The following PPP1R1A variants were observed in gnomAD, a reference collection of about 807,000 sequenced individuals.
PPP1R1A encodes the protein protein phosphatase 1 regulatory inhibitor subunit 1A.
In PPP1R1A, 18 loss-of-function variants were observed where a neutral mutation model predicts 23.9. The ratio of observed to expected loss-of-function variants is 0.75; its 90% CI spans 0.52 to 1.12. The LOEUF (loss-of-function observed/expected upper bound fraction) is 1.12, where lower values mean the gene tolerates loss of function less well. Among genes scored for constraint, PPP1R1A ranks in the 50% most tolerant of loss-of-function variants. The probability of loss-of-function intolerance (pLI) is 0.00; values close to 1 mark genes in which losing one functional copy is unlikely to be tolerated. For synonymous variants in PPP1R1A, 84 were observed against 80.7 expected (o/e 1.04, Z -0.22); for missense variants, 207 against 223.8 (o/e 0.92, Z 0.48).
chr12:54,585,841 C>T (rs1565712991), intron 1 of PPP1R1A, among the ~76,000 whole-genome samples: 1 of 152,066 alleles, frequency 6.6e-6, no homozygotes, highest in East Asian at 1.9e-4. Flanking sequence ...GGTAGGGCAT[C>T]ATTTTCCCAG....
intron 4 of PPP1R1A, 147 bp downstream of exon 4, chr12:54,582,585 C>T: frequency 3.2e-6 from 3 of 949,424 alleles, no homozygotes; most frequent in Admixed American, 4.8e-5. Flanking sequence ...TAGTCAGTGG[C>T]AAAACTGGGA....
At chr12:54,582,989 C>G (rs1533235) in intron 3 of PPP1R1A, among the ~76,000 whole-genome samples, 194 bp from the exon 4 acceptor site, 43,403 of 151,966 alleles carry the variant, frequency 0.29, 6,940 homozygotes, top group East Asian at 0.67. Flanking sequence ...CCCCAACCAC[C>G]TCGACAATGG....
intron 6 of PPP1R1A, 107 bp from the exon 7 acceptor site, chr12:54,580,499 G>C: frequency 8.6e-7 from 1 of 1,156,486 alleles, no homozygotes; most frequent in Non-Finnish European, 1.3e-6. Context: ...GTCTCAGAAA[G>C]CTTGTTCTGA....
In PPP1R1A at chr12:54,588,604, G is replaced by A. The variant is rs1400142049; in HGVS notation, c.-116C>T. ...GCTCCGGCCCCGGCCCCAGCCCGGCGCGCTCGGCTCCCGGCTCCCGGCACA... is the reference window on the plus strand; with the variant it reads ...GCTCCGGCCCCGGCCCCAGCCCGGCACGCTCGGCTCCCGGCTCCCGGCACA... On this transcript the variant is annotated 5_prime_UTR_variant, in exon 1 of 7. Transcript: ENST00000257905. 7.1e-5 allele frequency: 33 copies of A among 466,510 alleles called. No homozygotes were observed. Among genetic ancestry groups the A allele is most frequent in the Non-Finnish European group, 9.1e-5 (29 of 318,196 alleles). 28.9% of individuals were successfully genotyped at this position (466,510 alleles called of 1,614,324 possible).
At chr12:54,582,693 G>C in intron 4 of PPP1R1A, 39 bp downstream of exon 4, 2 of 1,596,952 alleles carry the variant, frequency 1.3e-6, no homozygotes, top group Non-Finnish European at 1.7e-6. Context: ...TCAGCTTCAG[G>C]CACAGAGGAG....
At chr12:54,583,125 G>A (rs932640510) in intron 3 of PPP1R1A, 86 bp downstream of exon 3, 17 of 1,402,996 alleles carry the variant, frequency 1.2e-5, no homozygotes, top group Non-Finnish European at 1.5e-5. Flanking sequence ...AAAGATCCTA[G>A]AGATGGGCGG....
chr12:54,584,526 G>C (rs756244028), intron 1 of PPP1R1A, among the ~76,000 whole-genome samples: 3 of 152,130 alleles, frequency 2.0e-5, no homozygotes, highest in Non-Finnish European at 4.4e-5. Context: ...TTATAAGTGG[G>C]AGCTAAACAT....
chr12:54,580,284 T>A lies in PPP1R1A; in HGVS notation c.*103A>T. 1 of 1,559,818 alleles carries A rather than the reference T, an allele frequency of 6.4e-7. No homozygotes were observed. The highest frequency in any genetic ancestry group is 8.7e-7 in the Non-Finnish European group (1 of 1,152,528). On this transcript the variant is annotated 3_prime_UTR_variant, in exon 7 of 7. Coordinates refer to ENST00000257905, the MANE Select transcript of PPP1R1A (RefSeq NM_006741.4). ...GACCTAACACCAAATTTATCACTTT[T>A]TAAAAACAAGAGATTTTCCCCAAAA...
rs1389539530 is a variant in PPP1R1A, at chr12:54,581,448, A to G, written c.404-398T>C. Among the ~76,000 whole-genome samples, 1 of 152,220 alleles carries G rather than the reference A, an allele frequency of 6.6e-6. No individual in the cohort carries two copies. The highest frequency in any genetic ancestry group is 2.1e-4 in the South Asian group (1 of 4,834). On this transcript the variant is annotated intron_variant, in intron 5 of 6. Transcript: ENST00000257905. The surrounding 1 kb of genome is among the most constrained non-coding windows in gnomAD (Gnocchi z 4.1). ...CTATGCGATACACAGTTTATGTACT[A>G]TATCTTCATAAAATTGGAAGCATTC...
At chr12:54,588,256 A>ACCCCCCCCCCCCCCCCCCC (rs142801029) in intron 1 of PPP1R1A, 149 bp downstream of exon 1, 4 of 181,492 alleles carry the variant, frequency 2.2e-5, no homozygotes, top group Non-Finnish European at 3.3e-5. Context: ...GGGACAGAAG[A>ACCCCCCCCCCCCCCCCCCC]CCCCCCCCCG....
At chr12:54,582,833 C>T (rs752066559) in intron 3 of PPP1R1A, 38 bp from the exon 4 acceptor site, 8 of 1,593,660 alleles carry the variant, frequency 5.0e-6, no homozygotes, top group Non-Finnish European at 6.9e-6. Flanking sequence ...CGCCAGCCCC[C>T]CCTTGCTCTC....
At chr12:54,586,349 C>T (rs1180270639) in intron 1 of PPP1R1A, among the ~76,000 whole-genome samples, 1 of 152,204 alleles carries the variant, frequency 6.6e-6, no homozygotes, top group African/African-American at 2.4e-5. Flanking sequence ...GGCACCTGAA[C>T]TAGTGGGAAA....
In PPP1R1A at chr12:54,581,282, T is replaced by TA. The variant is rs1957854252; in HGVS notation, c.404-233dup. Among the ~76,000 whole-genome samples the TA allele has an allele frequency of 2.0e-5, 3 of 152,316 alleles. No homozygotes were observed. The highest frequency in any genetic ancestry group is 1.3e-4 in the Admixed American group (2 of 15,304). ...TGGAAAGAATAAACCCTCTACAGTT[T>TA]AAAAAACAAAACTCAATATGTGTCT... On this transcript the variant is annotated intron_variant, in intron 5 of 6. Coordinates refer to ENST00000257905, the MANE Select transcript of PPP1R1A (RefSeq NM_006741.4). The surrounding 1 kb of genome is among the most constrained non-coding windows in gnomAD (Gnocchi z 4.1).
At chr12:54,587,150 T>A (rs949086324) in intron 1 of PPP1R1A, among the ~76,000 whole-genome samples, 3 of 152,162 alleles carry the variant, frequency 2.0e-5, no homozygotes, top group African/African-American at 7.2e-5. Flanking sequence ...TATCTCCACA[T>A]TGGGAAGCTG....
Position 54,581,425 on chromosome 12 carries a change from A to G in PPP1R1A, c.404-375T>C, listed in dbSNP as rs548860548. Among the ~76,000 whole-genome samples, 110 of 152,332 alleles carry G rather than the reference A, an allele frequency of 7.2e-4. No individual in the cohort carries two copies. Among genetic ancestry groups the G allele is most frequent in the African/African-American group, 2.5e-3 (104 of 41,578 alleles). ...TGTAGGGTTCTCTGCCGGGAATACT[A>G]TGCGATACACAGTTTATGTACTATA... On this transcript the variant is annotated intron_variant, in intron 5 of 6. Coordinates refer to ENST00000257905, the MANE Select transcript of PPP1R1A (RefSeq NM_006741.4). The surrounding 1 kb of genome is among the most constrained non-coding windows in gnomAD (Gnocchi z 4.1).
chr12:54,585,415 G>A (rs758740344), intron 1 of PPP1R1A, among the ~76,000 whole-genome samples: 11 of 152,222 alleles, frequency 7.2e-5, no homozygotes, highest in African/African-American at 2.2e-4. Context: ...CTTTTGTCAC[G>A]CTGCCAATAA....
rs1161891198 is a variant in PPP1R1A at position 54,580,280 on chromosome 12, C to G, written c.*107G>C. On this transcript the variant is annotated 3_prime_UTR_variant, in exon 7 of 7. Transcript: ENST00000257905. Reference sequence around the variant, plus strand: ...CAAGGACCTAACACCAAATTTATCACTTTTTAAAAACAAGAGATTTTCCCC... The same window carrying G: ...CAAGGACCTAACACCAAATTTATCAGTTTTTAAAAACAAGAGATTTTCCCC... 1 of 1,552,712 alleles carries G rather than the reference C, an allele frequency of 6.4e-7. No homozygotes were observed. Among genetic ancestry groups the G allele is most frequent in the Non-Finnish European group, 8.7e-7 (1 of 1,149,014 alleles).
intron 1 of PPP1R1A, among the ~76,000 whole-genome samples, chr12:54,585,194 C>A (rs1384225994): frequency 3.9e-5 from 6 of 152,174 alleles, no homozygotes; most frequent in South Asian, 2.1e-4. Context: ...GATACATTGC[C>A]TTTCTGATTT....
intron 2 of PPP1R1A, 40 bp downstream of exon 2, chr12:54,584,220 G>A: frequency 6.6e-7 from 1 of 1,523,258 alleles, no homozygotes; most frequent in African/African-American, 1.4e-5. Flanking sequence ...TGCTGCCATA[G>A]TGGCCCCCAC....
Sources: allele counts gnomAD v4.1 joint callset (sites outside exome capture counted in the v4.1 genomes callset), GRCh38; gene constraint gnomAD v4.1.1; non-coding constraint Gnocchi (gnomAD v3.1); transcripts MANE v1.5; gene names NCBI Gene and HGNC (gene_info 2026-07-23, HGNC 2026-07-21).